GPATCH2L: variants seen among roughly 807,000 people sequenced by gnomAD.
GPATCH2L encodes G patch domain-containing protein 2-like.
A neutral mutation model predicts 57.4 loss-of-function variants in GPATCH2L; 31 were observed. That is an observed-to-expected ratio of 0.54 (90% CI 0.41 to 0.73). GPATCH2L has a LOEUF of 0.73. GPATCH2L is among the 30% of genes least tolerant of loss of function. GPATCH2L has a pLI of 0.00. For synonymous variants in GPATCH2L, 199 were observed against 210.7 expected (o/e 0.94, Z 0.48); for missense variants, 481 against 599.9 (o/e 0.80, Z 2.07).
intron 4 of GPATCH2L, among the ~76,000 whole-genome samples, chr14:76,173,268 T>G (rs944503842): frequency 1.3e-5 from 2 of 152,124 alleles, no homozygotes; most frequent in Admixed American, 6.5e-5. Context: ...GCTTGCTATT[T>G]CATTGGGTCT....
At chr14:76,215,132 A>G (rs193191569), downstream of GPATCH2L, among the ~76,000 whole-genome samples, 170 of 152,342 alleles carry the variant, frequency 1.1e-3, no homozygotes, top group African/African-American at 3.9e-3. Flanking sequence ...AAAAAATGAC[A>G]GACATTTATG....
intron 1 of GPATCH2L, among the ~76,000 whole-genome samples, chr14:76,225,586 AAG>A (rs763184998): frequency 7.9e-5 from 12 of 152,198 alleles, no homozygotes; most frequent in Admixed American, 3.3e-4. Flanking sequence ...ACTACCTAGA[AAG>A]AGAAAGAAAA....
At chr14:76,169,967 A>G (rs1422112845) in intron 3 of GPATCH2L, among the ~76,000 whole-genome samples, 1 of 152,222 alleles carries the variant, frequency 6.6e-6, no homozygotes, top group Non-Finnish European at 1.5e-5. Flanking sequence ...TGCCCAGACT[A>G]GAATCAGAAA....
intron 3 of GPATCH2L, among the ~76,000 whole-genome samples, chr14:76,169,510 C>T (rs774970233): frequency 1.9e-4 from 29 of 152,148 alleles, no homozygotes; most frequent in Non-Finnish European, 3.1e-4. Context: ...GAGCCCGATC[C>T]ACCTAGCTTC....
At chr14:76,228,197 T>A (rs1223304706) in intron 1 of GPATCH2L, among the ~76,000 whole-genome samples, 4 of 152,136 alleles carry the variant, frequency 2.6e-5, no homozygotes. Context: ...GATAATAAAG[T>A]GGTATTGTTT....
intron 8 of GPATCH2L, among the ~76,000 whole-genome samples, chr14:76,182,707 G>A (rs999112075): frequency 6.6e-6 from 1 of 151,994 alleles, no homozygotes. Context: ...TTCAGCGTTT[G>A]CTGGAACCCT....
At chr14:76,214,704 A>G (rs980525690), downstream of GPATCH2L, among the ~76,000 whole-genome samples, 27 of 152,152 alleles carry the variant, frequency 1.8e-4, no homozygotes, top group Non-Finnish European at 3.4e-4. Flanking sequence ...TTCAATGCCA[A>G]CACTTTGGGG....
Position 76,214,320 on chromosome 14 carries a change from A to C in GPATCH2L, c.*12469A>C, listed in dbSNP as rs747528219. 16 of 152,154 alleles carry C rather than the reference A, an allele frequency of 1.1e-4. No individual in the cohort carries two copies. Among genetic ancestry groups the C allele is most frequent in the African/African-American group, 3.1e-4 (13 of 41,432 alleles). The allele number at this position is 152,154 out of a possible 1,614,324, so 9.4% of individuals were successfully genotyped here. A position where few individuals can be genotyped will look rare whatever the true frequency, so the allele number is the denominator to read the frequency against. On this transcript the variant is annotated 3_prime_UTR_variant, in exon 10 of 10. Coordinates refer to ENST00000261530, the MANE Select transcript of GPATCH2L (RefSeq NM_017926.4). The stretch of plus-strand genomic sequence containing the variant: ...TGCATTTCTTGCTAAGCTTATCCCT[A>C]AGTATTTAATTTATTTGCTAGTAAA...
intron 8 of GPATCH2L, among the ~76,000 whole-genome samples, chr14:76,195,391 C>T (rs1036731636): frequency 1.2e-4 from 18 of 152,094 alleles, no homozygotes; most frequent in African/African-American, 4.3e-4. Flanking sequence ...TTTTAAAAGT[C>T]ACAGAAACTA....
intron 9 of GPATCH2L, among the ~76,000 whole-genome samples, chr14:76,200,424 G>T (rs1331897442): frequency 6.6e-6 from 1 of 151,972 alleles, no homozygotes; most frequent in Non-Finnish European, 1.5e-5. Context: ...ACAGTTTTTT[G>T]AAATTTATTA....
At chr14:76,193,025 C>T (rs921497821) in intron 8 of GPATCH2L, among the ~76,000 whole-genome samples, 1 of 151,970 alleles carries the variant, frequency 6.6e-6, no homozygotes, top group Non-Finnish European at 1.5e-5. Flanking sequence ...AACAATATCG[C>T]CTAGAGGAGC....
intron 8 of GPATCH2L, among the ~76,000 whole-genome samples, chr14:76,185,004 G>A (rs2039712243): frequency 6.6e-6 from 1 of 152,190 alleles, no homozygotes; most frequent in Non-Finnish European, 1.5e-5. Context: ...ACTTTGGTAT[G>A]GTATGCACCA....
chr14:76,183,384 G>A (rs2039648758), intron 8 of GPATCH2L, among the ~76,000 whole-genome samples: 1 of 152,188 alleles, frequency 6.6e-6, no homozygotes, highest in Non-Finnish European at 1.5e-5. Context: ...TCATACCCAG[G>A]GCAGTAGATA....
Position 76,209,100 on chromosome 14 carries a change from A to G in GPATCH2L, c.*7249A>G, listed in dbSNP as rs2040411992. ...TAGCCCATAGGTTGATTTTTATGAC[A>G]CTGATGCTATATAACCACTTCCTTC... is the stretch of plus-strand genomic sequence containing the variant. On this transcript the variant is annotated 3_prime_UTR_variant, in exon 10 of 10. Transcript: ENST00000261530. 6.6e-6 allele frequency: 1 copy of G among 152,206 alleles called. No homozygotes were observed. Among genetic ancestry groups the G allele is most frequent in the Non-Finnish European group, 1.5e-5 (1 of 68,054 alleles). 9.4% of individuals were successfully genotyped at this position (152,206 alleles called of 1,614,324 possible).
rs769719672 is a variant in GPATCH2L at position 76,154,626 on chromosome 14, C to T, written c.263C>T (p.Ser88Phe). 1.9e-6 allele frequency: 3 copies of T among 1,614,246 alleles called. No homozygotes were observed. The East Asian group carries it at 6.7e-5, about 36-fold the overall frequency. Reference sequence around the variant, plus strand: ...GCTCCGGTGACCAATTTTAGTGACTCTGATGACACAATGGTAGCCAAACGA... The same window carrying T: ...GCTCCGGTGACCAATTTTAGTGACTTTGATGACACAATGGTAGCCAAACGA... Reference protein sequence around the residue: ...EVAPVTNFSDSDDTMVAKRHP... With the variant: ...EVAPVTNFSDFDDTMVAKRHP... Residue 88 changes from serine (S) to phenylalanine (F), a missense_variant, in exon 2 of 10, where the codon TCT becomes TTT. Coordinates refer to ENST00000261530, the MANE Select transcript of GPATCH2L (RefSeq NM_017926.4). This position sits in a 1 kb window ranked among gnomAD's most constrained non-coding sequence, Gnocchi z 4.4.
rs2040351690 is a variant in GPATCH2L at position 76,204,386 on chromosome 14, A to G, written c.*2535A>G. 1 of 152,214 alleles carries G rather than the reference A, an allele frequency of 6.6e-6. No homozygotes were observed. Among genetic ancestry groups the G allele is most frequent in the Non-Finnish European group, 1.5e-5 (1 of 68,034 alleles). The allele number at this position is 152,214 out of a possible 1,614,324, so 9.4% of individuals were successfully genotyped here. On this transcript the variant is annotated 3_prime_UTR_variant, in exon 10 of 10. Transcript: ENST00000261530. ...AGAGAACAGAATATTAAGCACACAAATACTTTCCAACACAGGGTTGTAAAT... is the reference window on the plus strand; with the variant it reads ...AGAGAACAGAATATTAAGCACACAAGTACTTTCCAACACAGGGTTGTAAAT...
intron 2 of GPATCH2L, among the ~76,000 whole-genome samples, chr14:76,155,525 T>G (rs1489040237): frequency 6.6e-6 from 1 of 152,230 alleles, no homozygotes; most frequent in African/African-American, 2.4e-5. Context: ...TTTGATTATA[T>G]TGAATTTATT....
chr14:76,167,881 T>G (rs1208695045), intron 3 of GPATCH2L, among the ~76,000 whole-genome samples: 1 of 152,238 alleles, frequency 6.6e-6, no homozygotes. Context: ...TTTGCTTTTC[T>G]ACAGTGCTAA....
At chr14:76,193,526 A>G (rs1207560467) in intron 8 of GPATCH2L, among the ~76,000 whole-genome samples, 1 of 152,186 alleles carries the variant, frequency 6.6e-6, no homozygotes, top group Non-Finnish European at 1.5e-5. Context: ...AATGTTTTAA[A>G]TTAACTTTTT....
Sources: gnomAD v4.1 joint callset for allele counts (sites outside exome capture counted in the v4.1 genomes callset) on GRCh38, gnomAD v4.1.1 for gene constraint, Gnocchi (gnomAD v3.1) non-coding constraint, MANE v1.5 for transcripts, NCBI Gene and HGNC (gene_info 2026-07-23, HGNC 2026-07-21) for gene names.